Variants in ULK4 observed in about 807,000 individuals in gnomAD.
ULK4 encodes the protein unc-51 like kinase 4, also known as inactive serine/threonine-protein kinase ULK4.
ULK4 carries 133 observed loss-of-function variants against 160.6 expected under a neutral mutation model. The observed-to-expected ratio is 0.83, with a 90% confidence interval of 0.72 to 0.96. The LOEUF is 0.96. Ranked by LOEUF, ULK4 falls within the 40% of genes least tolerant of loss-of-function variation. ULK4 has a pLI of 0.00. For synonymous variants in ULK4, 534 were observed against 539.8 expected (o/e 0.99, Z 0.15); for missense variants, 1,580 against 1,499.5 (o/e 1.05, Z -0.89).
At chr3:41,953,263 T>C (rs1163249058) in intron 2 of ULK4, among the ~76,000 whole-genome samples, 100 of 104,344 alleles carry the variant, frequency 9.6e-4, no homozygotes, top group Non-Finnish European at 1.7e-3. Context: ...TACATATATA[T>C]ACACATATAT....
chr3:41,556,030 T>G (rs1405272407), intron 32 of ULK4, among the ~76,000 whole-genome samples: 1 of 151,680 alleles, frequency 6.6e-6, no homozygotes, highest in African/African-American at 2.4e-5. Flanking sequence ...TTTCAGAGGG[T>G]GGAGGGTGGG....
intron 35 of ULK4, among the ~76,000 whole-genome samples, chr3:41,287,049 G>A (rs966440058): frequency 3.3e-5 from 5 of 152,168 alleles, no homozygotes; most frequent in Admixed American, 6.5e-5. Context: ...GAGAGGTGAC[G>A]CAGAAGGCTG....
At chr3:41,299,220 G>A (rs541382985) in intron 35 of ULK4, among the ~76,000 whole-genome samples, 39 of 152,172 alleles carry the variant, frequency 2.6e-4, no homozygotes, top group Admixed American at 8.5e-4. Context: ...GCTGGTGAAC[G>A]AGAGGCCACG....
At chr3:41,564,509 A>G (rs1382035671) in intron 32 of ULK4, among the ~76,000 whole-genome samples, 4 of 121,096 alleles carry the variant, frequency 3.3e-5, no homozygotes, top group Non-Finnish European at 6.3e-5. Flanking sequence ...CCTAGGCTGG[A>G]GTGCAGTGGT....
chr3:41,757,924 GC>G (rs2038861351), intron 21 of ULK4, among the ~76,000 whole-genome samples: 1 of 152,122 alleles, frequency 6.6e-6, no homozygotes, highest in African/African-American at 2.4e-5. Context: ...ACCATGCCTG[GC>G]CGAAATGCTC....
At chr3:41,317,371 G>A (rs544121501) in intron 35 of ULK4, among the ~76,000 whole-genome samples, 21 of 152,124 alleles carry the variant, frequency 1.4e-4, no homozygotes, top group South Asian at 4.2e-4. Context: ...CACCGCGCCC[G>A]GCCAATTACA....
intron 33 of ULK4, 37 bp downstream of exon 33, chr3:41,463,050 T>C: frequency 3.8e-6 from 6 of 1,598,168 alleles, no homozygotes; most frequent in Middle Eastern, 3.9e-4. Flanking sequence ...TGAAATGGAG[T>C]AGGGCTGCTC....
At chr3:41,607,995 C>G (rs1392527938) in intron 31 of ULK4, among the ~76,000 whole-genome samples, 7 of 152,144 alleles carry the variant, frequency 4.6e-5, no homozygotes, top group African/African-American at 1.4e-4. Context: ...CCACCACATG[C>G]TATGTTAGAC....
intron 17 of ULK4, among the ~76,000 whole-genome samples, chr3:41,849,455 G>A (rs866681815): frequency 6.6e-5 from 10 of 151,892 alleles, no homozygotes; most frequent in African/African-American, 2.2e-4. Flanking sequence ...CCATGAAGAC[G>A]GTAAAAAGGT....
chr3:41,357,138 G>T (rs963676291), intron 35 of ULK4, among the ~76,000 whole-genome samples: 3 of 152,138 alleles, frequency 2.0e-5, no homozygotes, highest in Non-Finnish European at 2.9e-5. Context: ...TAGAAGCTTG[G>T]ACTATGTGAG....
At chr3:41,889,981 T>C (rs4973995) in intron 16 of ULK4, among the ~76,000 whole-genome samples, 111,837 of 152,118 alleles carry the variant, frequency 0.74, 42,610 homozygotes, top group East Asian at 0.83. Flanking sequence ...AACATTATGC[T>C]AAATGACAGA....
At chr3:41,644,678 G>C (rs958718052) in intron 30 of ULK4, among the ~76,000 whole-genome samples, 1 of 151,280 alleles carries the variant, frequency 6.6e-6, no homozygotes, top group Non-Finnish European at 1.5e-5. Context: ...TCTCTGCCCG[G>C]CTTTGGTATC....
At chr3:41,497,532 A>C (rs1425737649) in intron 32 of ULK4, among the ~76,000 whole-genome samples, 5 of 152,208 alleles carry the variant, frequency 3.3e-5, no homozygotes, top group African/African-American at 4.8e-5. Context: ...GTATTCTTGC[A>C]AATTCAAGGA....
Position 41,935,881 on chromosome 3 carries a change from C to T in ULK4, c.298G>A (p.Glu100Lys). Residue 100 changes from glutamate (E) to lysine (K), a missense_variant, in exon 4 of 37, where the codon GAA (glutamate) becomes AAA (lysine). Transcript: ENST00000301831. The part of the protein sequence containing the change: ...DENLPEDVVR[E>K]FGIDLISGLH... ...CCACTAATCAGGTCAATTCCAAATT[C>T]TCTCACAACATCTTCTGGGAGGTTT... 6.2e-7 allele frequency: 1 copy of T among 1,613,992 alleles called. No individual in the cohort carries two copies. The highest frequency in any genetic ancestry group is 1.1e-5 in the South Asian group (1 of 91,048).
chr3:41,605,803 ATT>A (rs1273940872), intron 31 of ULK4, among the ~76,000 whole-genome samples: 2 of 152,048 alleles, frequency 1.3e-5, no homozygotes, highest in Non-Finnish European at 2.9e-5. Flanking sequence ...CAAAATACAC[ATT>A]CTTTACATAT....
intron 32 of ULK4, among the ~76,000 whole-genome samples, chr3:41,555,941 T>C (rs921071644): frequency 3.9e-5 from 6 of 152,108 alleles, no homozygotes; most frequent in African/African-American, 1.4e-4. Flanking sequence ...AAACCAAATA[T>C]GGTGTATTCT....
chr3:41,485,676 T>C (rs72871151), intron 32 of ULK4, among the ~76,000 whole-genome samples: 3,590 of 152,272 alleles, frequency 0.024, 146 homozygotes, highest in African/African-American at 0.08. Flanking sequence ...CAGTATTCGA[T>C]ATTCAACACC....
At chr3:41,694,964 T>C (rs2036439338) in intron 27 of ULK4, among the ~76,000 whole-genome samples, 1 of 152,188 alleles carries the variant, frequency 6.6e-6, no homozygotes, top group African/African-American at 2.4e-5. Context: ...TGCCTTACAC[T>C]GCATAATTTA....
At chr3:41,338,088 CT>C (rs1303493168) in intron 35 of ULK4, among the ~76,000 whole-genome samples, 1 of 152,232 alleles carries the variant, frequency 6.6e-6, no homozygotes, top group Non-Finnish European at 1.5e-5. Flanking sequence ...AGCATTTCTG[CT>C]TTGCAAAGAG....
Sources: allele counts gnomAD v4.1 joint callset (sites outside exome capture counted in the v4.1 genomes callset), GRCh38; gene constraint gnomAD v4.1.1; transcripts MANE v1.5; gene names NCBI Gene and HGNC (gene_info 2026-07-23, HGNC 2026-07-21).